Variants in SCYL2 observed in about 807,000 individuals in gnomAD.
The protein encoded by SCYL2 is SCY1 like pseudokinase 2.
Under a neutral mutation model 100.4 loss-of-function variants are expected in SCYL2, and 36 were observed. The observed-to-expected ratio is 0.36, with a 90% CI of 0.27 to 0.47. The LOEUF is 0.47. Among genes scored for constraint, SCYL2 ranks in the 20% least tolerant of loss-of-function variants. The probability of loss-of-function intolerance (pLI) is 1.00; values close to 1 mark genes in which losing one functional copy is unlikely to be tolerated. For synonymous variants in SCYL2, 330 were observed against 359.2 expected (o/e 0.92, Z 0.92); for missense variants, 902 against 1,083.9 (o/e 0.83, Z 2.36).
At chr12:100,334,018 A>G (rs1952243957) in intron 13 of SCYL2, 148 bp from the exon 14 acceptor site, 2 of 538,508 alleles carry the variant, frequency 3.7e-6, no homozygotes, top group East Asian at 3.1e-5. Context: ...TAAATGTATC[A>G]TTCTTATTGA....
rs771636307 is a variant in SCYL2 at position 100,340,790 on chromosome 12, C to T, written c.*1618C>T. On this transcript the variant is annotated 3_prime_UTR_variant, in exon 18 of 18. Transcript: ENST00000360820. ...GACTAACAGAATTGCTAAAGAAATGCATCCAATAAATGAAAAACAGTAGGA... is the reference window on the plus strand; with the variant it reads ...GACTAACAGAATTGCTAAAGAAATGTATCCAATAAATGAAAAACAGTAGGA... 6 of 151,986 alleles carry T rather than the reference C, an allele frequency of 3.9e-5. No individual in the cohort carries two copies. The highest frequency in any genetic ancestry group is 8.8e-5 in the Non-Finnish European group (6 of 67,910). 9.4% of individuals were successfully genotyped at this position (151,986 alleles called of 1,614,324 possible). A position where few individuals can be genotyped will look rare whatever the true frequency, so the allele number is the denominator to read the frequency against.
intron 7 of SCYL2, among the ~76,000 whole-genome samples, chr12:100,313,880 A>ATT (rs769757760): frequency 6.7e-5 from 9 of 133,998 alleles, no homozygotes; most frequent in Admixed American, 1.5e-4. Flanking sequence ...ATAACCATGG[A>ATT]TTTTTTTTTT....
chr12:100,297,728 A>C (rs1488707216), intron 3 of SCYL2, among the ~76,000 whole-genome samples: 1 of 152,192 alleles, frequency 6.6e-6, no homozygotes, highest in Non-Finnish European at 1.5e-5. Flanking sequence ...AAAGAATATC[A>C]ATCATTTGAA....
intron 3 of SCYL2, among the ~76,000 whole-genome samples, chr12:100,294,439 A>C (rs1271996028): frequency 1.6e-4 from 5 of 30,748 alleles, no homozygotes; most frequent in Non-Finnish European, 2.6e-4. Context: ...GGGGCTCCTC[A>C]CTTCCCAGTA....
rs767165101 is a variant in SCYL2, at chr12:100,339,143, A to C, written c.2761A>C (p.Ser921Arg). ...TACTATGACCAATAGCAGTTCAGCTAGCAATGATTTAAAAGATCTTTTTGG... is the reference window on the plus strand; with the variant it reads ...TACTATGACCAATAGCAGTTCAGCTCGCAATGATTTAAAAGATCTTTTTGG... ...PTTMTNSSSA[S>R]NDLKDLFG The change falls in exon 18 of 18, where the codon AGC becomes CGC. Residue 921 changes from serine (S) to arginine (R), a missense_variant. By Grantham distance (110) the Ser-to-Arg change is moderately radical. Transcript: ENST00000360820. 1 of 1,613,214 alleles carries C rather than the reference A, an allele frequency of 6.2e-7. No individual in the cohort carries two copies. Among genetic ancestry groups the C allele is most frequent in the Non-Finnish European group, 8.5e-7 (1 of 1,179,704 alleles).
At chr12:100,281,956 A>G (rs2096299039) in intron 1 of SCYL2, among the ~76,000 whole-genome samples, 1 of 152,142 alleles carries the variant, frequency 6.6e-6, no homozygotes, top group Non-Finnish European at 1.5e-5. Flanking sequence ...AAAGGGGTGG[A>G]AAAAGAAAAA....
chr12:100,322,909 T>A (rs1336228454), intron 10 of SCYL2, among the ~76,000 whole-genome samples: 2 of 151,172 alleles, frequency 1.3e-5, no homozygotes, highest in African/African-American at 4.9e-5. Context: ...GTACCTGTAG[T>A]CCCAGCTACT....
intron 2 of SCYL2, among the ~76,000 whole-genome samples, chr12:100,283,756 ATT>A (rs780591926): frequency 1.3e-5 from 2 of 152,194 alleles, no homozygotes; most frequent in Non-Finnish European, 2.9e-5. Context: ...AAGTTAGCTT[ATT>A]TCCCAGGTAA....
chr12:100,304,344 C>T (rs1004094692), intron 4 of SCYL2, among the ~76,000 whole-genome samples: 12 of 151,972 alleles, frequency 7.9e-5, no homozygotes, highest in African/African-American at 2.4e-4. Context: ...TCTGCCCAAA[C>T]GGCGCCCAGT....
At chr12:100,320,722 T>C (rs1007359575) in intron 10 of SCYL2, among the ~76,000 whole-genome samples, 2 of 152,050 alleles carry the variant, frequency 1.3e-5, no homozygotes, top group African/African-American at 4.8e-5. Flanking sequence ...CATGGCACTT[T>C]CCAGTCGCTT....
intron 1 of SCYL2, among the ~76,000 whole-genome samples, chr12:100,271,715 AT>A (rs2135788859): frequency 6.6e-6 from 1 of 152,300 alleles, no homozygotes; most frequent in East Asian, 1.9e-4. Context: ...TTTTATTTGC[AT>A]TGCAGTGACT....
chr12:100,327,089 C>T, intron 12 of SCYL2: 1 of 297,442 alleles, frequency 3.4e-6, no homozygotes, highest in South Asian at 3.3e-5. Flanking sequence ...TTATTTGATA[C>T]TCAATTTGTA....
At chr12:100,331,104 G>A (rs980637088) in intron 13 of SCYL2, among the ~76,000 whole-genome samples, 4 of 152,076 alleles carry the variant, frequency 2.6e-5, no homozygotes, top group Admixed American at 6.6e-5. Context: ...GGGATTACAG[G>A]CATGAGCCAC....
At chr12:100,313,575 C>T in intron 7 of SCYL2, 37 bp downstream of exon 7, 1 of 1,117,800 alleles carries the variant, frequency 8.9e-7, no homozygotes, top group Non-Finnish European at 1.3e-6. Context: ...GATGGAGGAA[C>T]AAAAAATGAG....
chr12:100,275,923 A>G (rs1001550390), intron 1 of SCYL2, among the ~76,000 whole-genome samples: 3 of 152,044 alleles, frequency 2.0e-5, no homozygotes, highest in Non-Finnish European at 2.9e-5. Context: ...TTCTGCCTCT[A>G]CTGAGATTAT....
At chr12:100,328,954 T>C (rs984628869) in intron 12 of SCYL2, among the ~76,000 whole-genome samples, 3 of 152,202 alleles carry the variant, frequency 2.0e-5, no homozygotes, top group African/African-American at 7.2e-5. Flanking sequence ...TATGTTATGC[T>C]ATCATTAAAT....
chr12:100,293,658 A>T (rs928684972), intron 3 of SCYL2, among the ~76,000 whole-genome samples: 3 of 151,998 alleles, frequency 2.0e-5, no homozygotes, highest in Non-Finnish European at 4.4e-5. Flanking sequence ...TGGTTTTCCT[A>T]GGCAGAGGAC....
At chr12:100,294,194 G>T (rs189990368) in intron 3 of SCYL2, among the ~76,000 whole-genome samples, 3 of 144,926 alleles carry the variant, frequency 2.1e-5, no homozygotes, top group Admixed American at 6.8e-5. Flanking sequence ...GGGGTGGCTG[G>T]CCAGGCGGGG....
chr12:100,326,615 T>C lies in SCYL2; in HGVS notation c.1510-7T>C, dbSNP rs151257428. On this transcript the variant is annotated splice_region_variant and splice_polypyrimidine_tract_variant and intron_variant, in intron 11 of 17. Transcript: ENST00000360820. The stretch of plus-strand genomic sequence containing the variant: ...TAATGACTAATGCAATTTACCTCTT[T>C]TAATAGGTTCGTGTAAATTCATTAG... The C allele has an allele frequency of 7.5e-3, 11,788 of 1,577,932 alleles. 115 individuals carry two copies. Among genetic ancestry groups the C allele is most frequent in the South Asian group, 0.032 (2,624 of 82,096 alleles).
Sources: gnomAD v4.1 joint callset for allele counts (sites outside exome capture counted in the v4.1 genomes callset) on GRCh38, gnomAD v4.1.1 for gene constraint, MANE v1.5 for transcripts, NCBI Gene and HGNC (gene_info 2026-07-23, HGNC 2026-07-21) for gene names.